The following ZNF121 variants were observed in gnomAD, a reference collection of about 807,000 sequenced individuals.
ZNF121 encodes zinc finger protein 121 (clone ZHC32).
ZNF121 carries 1 observed loss-of-function variant against 2.4 expected under a neutral mutation model. The ratio of observed to expected loss-of-function variants is 0.41; its 90% CI spans 0.15 to 1.94. The LOEUF is 1.94. Ranked by LOEUF, ZNF121 falls within the 30% of genes most tolerant of loss-of-function variation. The probability of loss-of-function intolerance (pLI) is 0.30; values close to 1 mark genes in which losing one functional copy is unlikely to be tolerated. For missense variants in ZNF121, 369 were observed against 466.3 expected (o/e 0.79, Z 1.92); for synonymous variants, 173 against 158.6 (o/e 1.09, Z -0.68).
At chr19:9,583,559 A>T (rs564065913) in intron 1 of ZNF121, among the ~76,000 whole-genome samples, 1 of 128,598 alleles carries the variant, frequency 7.8e-6, no homozygotes, top group South Asian at 2.6e-4. Flanking sequence ...GCTGGAGTGC[A>T]GTGGCGCGAT....
intron 1 of ZNF121, among the ~76,000 whole-genome samples, chr19:9,572,881 G>C (rs78323200): frequency 0.03 from 4,591 of 152,220 alleles, 232 homozygotes; most frequent in African/African-American, 0.11. Context: ...AAGTAGCCAG[G>C]TGTGGTGGCG....
intron 1 of ZNF121, 77 bp downstream of exon 1, chr19:9,584,384 G>A (rs189105358): frequency 6.6e-6 from 1 of 152,288 alleles, no homozygotes; most frequent in Admixed American, 6.5e-5. Flanking sequence ...GATCGGAGAG[G>A]CTCCTGGGCG....
At chr19:9,581,921 AG>A (rs2074250704) in intron 1 of ZNF121, among the ~76,000 whole-genome samples, 1 of 152,192 alleles carries the variant, frequency 6.6e-6, no homozygotes, top group Non-Finnish European at 1.5e-5. Context: ...TTAAAGGTCA[AG>A]TATCACGTGT....
Position 9,563,827 on chromosome 19 carries a change from C to T in ZNF121, c.*2113G>A, listed in dbSNP as rs998723696. 6.6e-6 allele frequency: 1 copy of T among 152,180 alleles called. No homozygotes were observed. Among genetic ancestry groups the T allele is most frequent in the Non-Finnish European group, 1.5e-5 (1 of 68,028 alleles). 9.4% of individuals were successfully genotyped at this position (152,180 alleles called of 1,614,324 possible). A position where few individuals can be genotyped will look rare whatever the true frequency, so the allele number is the denominator to read the frequency against. On this transcript the variant is annotated 3_prime_UTR_variant, in exon 4 of 4. Coordinates refer to ENST00000320451, the MANE Select transcript of ZNF121 (RefSeq NM_001008727.5). ...ATCCAAGAGCCAGTTAAGAATTATG[C>T]TACATCTACTCTTCCTGTGGTATCT...
chr19:9,576,768 G>T (rs2074212924), intron 1 of ZNF121, among the ~76,000 whole-genome samples: 1 of 151,916 alleles, frequency 6.6e-6, no homozygotes, highest in Non-Finnish European at 1.5e-5. Context: ...AATAAAAAAT[G>T]AAAAAAGAAA....
intron 1 of ZNF121, among the ~76,000 whole-genome samples, chr19:9,577,857 G>A (rs1042336080): frequency 1.1e-4 from 17 of 151,886 alleles, no homozygotes; most frequent in Admixed American, 6.6e-4. Flanking sequence ...GACCAGCCTG[G>A]CCAACATGAT....
intron 1 of ZNF121, among the ~76,000 whole-genome samples, chr19:9,574,156 A>G (rs2144815655): frequency 6.6e-6 from 1 of 150,558 alleles, no homozygotes; most frequent in African/African-American, 2.4e-5. Context: ...TTATTTATAC[A>G]TTTTTTTGAG....
intron 1 of ZNF121, among the ~76,000 whole-genome samples, chr19:9,580,818 T>G (rs66460918): frequency 0.17 from 26,318 of 152,194 alleles, 3,610 homozygotes; most frequent in African/African-American, 0.38. Context: ...TGGTATTCCA[T>G]AGTCAATCCA....
In ZNF121 at chr19:9,568,106, C is replaced by A; in HGVS notation, c.-9G>T. On this transcript the variant is annotated 5_prime_UTR_variant, in exon 3 of 4. Coordinates refer to ENST00000320451, the MANE Select transcript of ZNF121 (RefSeq NM_001008727.5). ...AATCTTAATCTTACCATTTGTATGCCGTTTGATGTTTTGTTAAGCCAAAAA... is the reference window on the plus strand; with the variant it reads ...AATCTTAATCTTACCATTTGTATGCAGTTTGATGTTTTGTTAAGCCAAAAA... The A allele has an allele frequency of 6.5e-7, 1 of 1,537,988 alleles. No homozygotes were observed. Among genetic ancestry groups the A allele is most frequent in the Non-Finnish European group, 8.9e-7 (1 of 1,129,004 alleles).
rs1319775305 is a variant in ZNF121 at position 9,562,593 on chromosome 19, TCC to T, written c.*3345_*3346del. 1.6e-5 allele frequency: 2 copies of T among 124,088 alleles called. No individual in the cohort carries two copies. Among genetic ancestry groups the T allele is most frequent in the Middle Eastern group, 5.5e-4 (1 of 1,828 alleles). The allele number at this position is 124,088 out of a possible 1,614,324, so 7.7% of individuals were successfully genotyped here. A position where few individuals can be genotyped will look rare whatever the true frequency, so the allele number is the denominator to read the frequency against. The stretch of plus-strand genomic sequence containing the variant: ...CAACTGGCCACTCTCCCCTCTCTCC[TCC>T]TCTTCCCAGGCCTCCTAATTCCCTG... On this transcript the variant is annotated 3_prime_UTR_variant, in exon 4 of 4. Coordinates refer to ENST00000320451, the MANE Select transcript of ZNF121 (RefSeq NM_001008727.5).
At chr19:9,582,810 T>C (rs191463162) in intron 1 of ZNF121, among the ~76,000 whole-genome samples, 54 of 148,100 alleles carry the variant, frequency 3.6e-4, no homozygotes, top group African/African-American at 1.3e-3. Context: ...TTCCCTAGGA[T>C]CAAATTTTTC....
In ZNF121 at chr19:9,560,946, TAA is replaced by T. The variant is rs1043645338; in HGVS notation, c.*4992_*4993del. On this transcript the variant is annotated 3_prime_UTR_variant, in exon 4 of 4. Coordinates refer to ENST00000320451, the MANE Select transcript of ZNF121 (RefSeq NM_001008727.5). ...AACTGAATTCTGGTTAGTTGATTTT[TAA>T]AAAGAGTGGTATGAGTTATCAATTC... The T allele has an allele frequency of 6.6e-6, 1 of 152,216 alleles. No homozygotes were observed. Among genetic ancestry groups the T allele is most frequent in the African/African-American group, 2.4e-5 (1 of 41,458 alleles). The allele number at this position is 152,216 out of a possible 1,614,324, so 9.4% of individuals were successfully genotyped here.
chr19:9,564,609 G>C lies in ZNF121; in HGVS notation c.*1331C>G, dbSNP rs1305756907. On this transcript the variant is annotated 3_prime_UTR_variant, in exon 4 of 4. Transcript: ENST00000320451. ...AACAGATGAGAGGCTGCTTTGTATA[G>C]ATAAGCAAAGAAAGTGGTTTCCTGA... 6.6e-6 allele frequency: 1 copy of C among 152,174 alleles called. No homozygotes were observed. Among genetic ancestry groups the C allele is most frequent in the Admixed American group, 6.5e-5 (1 of 15,278 alleles). 9.4% of individuals were successfully genotyped at this position (152,174 alleles called of 1,614,324 possible).
chr19:9,582,533 T>A (rs1282606678), intron 1 of ZNF121, among the ~76,000 whole-genome samples: 3 of 152,000 alleles, frequency 2.0e-5, no homozygotes, highest in African/African-American at 7.3e-5. Context: ...GACCCCTATC[T>A]CCCTTTGCTG....
Position 9,563,052 on chromosome 19 carries a change from CA to C in ZNF121, c.*2887del, listed in dbSNP as rs534403872. 9,778 of 64,332 alleles carry C rather than the reference CA, an allele frequency of 0.15. 250 individuals carry two copies. Among genetic ancestry groups the C allele is most frequent in the South Asian group, 0.26 (515 of 1,952 alleles). The allele number at this position is 64,332 out of a possible 1,614,324, so 4.0% of individuals were successfully genotyped here. ...CCTGGGCAAAAGGGAGACCATGTCT[CA>C]AAAAAAAAAAAAAAAAAAAAACTGG... On this transcript the variant is annotated 3_prime_UTR_variant, in exon 4 of 4. Coordinates refer to ENST00000320451, the MANE Select transcript of ZNF121 (RefSeq NM_001008727.5).
At position 9,580,799 on chromosome 19, in the gene ZNF121, A is replaced by C. The variant is rs547577693; in HGVS notation, c.-160+3662T>G. Among the ~76,000 whole-genome samples, 4 of 152,332 alleles carry C rather than the reference A, an allele frequency of 2.6e-5. No individual in the cohort carries two copies. In the South Asian group the frequency reaches 8.3e-4, roughly 32 times the overall value. ...CATACACCAACAGAAGATGTAGAGTAGAGGCCTCTGGTATTCCATAGTCAA... is the reference window on the plus strand; with the variant it reads ...CATACACCAACAGAAGATGTAGAGTCGAGGCCTCTGGTATTCCATAGTCAA... On this transcript the variant is annotated intron_variant, in intron 1 of 3. Coordinates refer to ENST00000320451, the MANE Select transcript of ZNF121 (RefSeq NM_001008727.5).
rs186557279 is a variant in ZNF121 at position 9,561,483 on chromosome 19, A to C, written c.*4457T>G. 1.3e-5 allele frequency: 2 copies of C among 152,366 alleles called. No homozygotes were observed. The allele number at this position is 152,366 out of a possible 1,614,324, so 9.4% of individuals were successfully genotyped here. ...GTAGCTAACTACACCCCATAGATTAAGAATTTATGATACATGCTCCTACAA... is the reference window on the plus strand; with the variant it reads ...GTAGCTAACTACACCCCATAGATTACGAATTTATGATACATGCTCCTACAA... On this transcript the variant is annotated 3_prime_UTR_variant, in exon 4 of 4. Coordinates refer to ENST00000320451, the MANE Select transcript of ZNF121 (RefSeq NM_001008727.5).
At chr19:9,567,806 C>T in intron 3 of ZNF121, 1 of 291,592 alleles carries the variant, frequency 3.4e-6, no homozygotes, top group South Asian at 5.3e-5. Flanking sequence ...GCTTCTATGA[C>T]AATCGAATGC....
chr19:9,570,725 C>A (rs1297759233), intron 1 of ZNF121, among the ~76,000 whole-genome samples: 2 of 139,920 alleles, frequency 1.4e-5, no homozygotes, highest in Non-Finnish European at 3.0e-5. Flanking sequence ...TGCCACCACA[C>A]TTGGCTAATT....
Sources: gnomAD v4.1 joint callset for allele counts (sites outside exome capture counted in the v4.1 genomes callset) on GRCh38, gnomAD v4.1.1 for gene constraint, MANE v1.5 for transcripts, NCBI Gene and HGNC (gene_info 2026-07-23, HGNC 2026-07-21) for gene names.